Variants in LRP1B observed in about 807,000 individuals in gnomAD.
The protein encoded by LRP1B is LDL receptor related protein 1B, also known as low-density lipoprotein receptor-related protein 1B.
In LRP1B, 217 loss-of-function variants were observed where a neutral mutation model predicts 556.6. The observed-to-expected ratio is 0.39, with a 90% CI of 0.35 to 0.44. The LOEUF is 0.44. LRP1B is among the 20% of genes least tolerant of loss of function. The pLI is 1.00. For missense variants in LRP1B, 5,053 were observed against 5,620.8 expected, an observed-to-expected ratio of 0.90 and a Z score of 3.23; for synonymous variants, 2,047 against 1,865.8, an observed-to-expected ratio of 1.10 and a Z score of -2.50.
intron 3 of LRP1B, among the ~76,000 whole-genome samples, chr2:141,450,828 T>C (rs2105022039): frequency 6.6e-6 from 1 of 152,268 alleles, no homozygotes; most frequent in East Asian, 1.9e-4. Context: ...ATACAATATA[T>C]TTATTAACTC....
chr2:141,546,617 A>G (rs1423063547), intron 2 of LRP1B, among the ~76,000 whole-genome samples: 1 of 152,210 alleles, frequency 6.6e-6, no homozygotes, highest in Non-Finnish European at 1.5e-5. Context: ...GAGGAATTAC[A>G]TATCATTTAC....
intron 5 of LRP1B, among the ~76,000 whole-genome samples, chr2:141,231,326 G>A (rs938593580): frequency 2.0e-5 from 3 of 152,204 alleles, no homozygotes; most frequent in African/African-American, 7.2e-5. Flanking sequence ...CAGTGAATAT[G>A]ATTTGGGGCC....
intron 7 of LRP1B, among the ~76,000 whole-genome samples, chr2:141,149,025 G>A (rs1307032073): frequency 1.3e-5 from 2 of 152,066 alleles, no homozygotes; most frequent in Non-Finnish European, 2.9e-5. Context: ...GGAAGCAGAG[G>A]TTGCAGTGAG....
At chr2:141,450,749 T>C (rs1293522582) in intron 3 of LRP1B, among the ~76,000 whole-genome samples, 1 of 152,088 alleles carries the variant, frequency 6.6e-6, no homozygotes, top group African/African-American at 2.4e-5. Context: ...GGAGGCAGTG[T>C]GGAATCTTAA....
At chr2:140,781,621 T>C (rs1461408298) in intron 32 of LRP1B, among the ~76,000 whole-genome samples, 2 of 152,126 alleles carry the variant, frequency 1.3e-5, no homozygotes, top group African/African-American at 4.8e-5. Flanking sequence ...CATAGATAAA[T>C]AACCAAATAG....
At chr2:142,055,686 A>G (rs551994616) in intron 1 of LRP1B, among the ~76,000 whole-genome samples, 1 of 152,260 alleles carries the variant, frequency 6.6e-6, no homozygotes, top group South Asian at 2.1e-4. Flanking sequence ...CCTTAGTGAT[A>G]TATTACTCAC....
intron 75 of LRP1B, among the ~76,000 whole-genome samples, chr2:140,353,731 G>A (rs1024324187): frequency 6.6e-6 from 1 of 152,038 alleles, no homozygotes; most frequent in East Asian, 1.9e-4. Flanking sequence ...TTTCAGGAAT[G>A]TGGTTACATA....
chr2:140,259,127 A>G (rs1349664357), intron 86 of LRP1B, among the ~76,000 whole-genome samples: 1 of 152,062 alleles, frequency 6.6e-6, no homozygotes. Context: ...CACCAGCACC[A>G]TTTATCTTAC....
chr2:141,276,937 C>T lies in LRP1B; in HGVS notation c.344-22296G>A, dbSNP rs543690277. ...TCCCAGAGTGCTGGGATTACAGGCGCGAGACACCGCTCCCGGCCCCCATCT... is the reference window on the plus strand; with the variant it reads ...TCCCAGAGTGCTGGGATTACAGGCGTGAGACACCGCTCCCGGCCCCCATCT... On this transcript the variant is annotated intron_variant, in intron 3 of 90. Coordinates refer to ENST00000389484, the MANE Select transcript of LRP1B (RefSeq NM_018557.3). 6.6e-5 allele frequency among the ~76,000 whole-genome samples: 10 copies of T among 152,080 alleles called. No individual in the cohort carries two copies. In the East Asian group the frequency reaches 1.2e-3, roughly 18 times the overall value.
intron 2 of LRP1B, among the ~76,000 whole-genome samples, chr2:141,747,418 T>G (rs1432221525): frequency 1.3e-5 from 2 of 152,182 alleles, no homozygotes; most frequent in Non-Finnish European, 2.9e-5. Context: ...TAATATCAAT[T>G]TGGGTAGTAA....
Position 141,742,101 on chromosome 2 carries a change from T to C in LRP1B, c.205+68178A>G, listed in dbSNP as rs112811983. 5.0e-3 allele frequency among the ~76,000 whole-genome samples: 763 copies of C among 152,270 alleles called. 9 individuals are homozygous for C. The highest frequency in any genetic ancestry group is 0.017 in the African/African-American group (720 of 41,550). ...ACCTTTGTCAAAAATGAGTTCACTG[T>C]AGATGTCTGGATTTATTTATGTTTT... is the stretch of plus-strand genomic sequence containing the variant. On this transcript the variant is annotated intron_variant, in intron 2 of 90. Transcript: ENST00000389484.
At chr2:141,311,479 G>T (rs2105449693) in intron 3 of LRP1B, among the ~76,000 whole-genome samples, 1 of 152,204 alleles carries the variant, frequency 6.6e-6, no homozygotes, top group East Asian at 1.9e-4. Flanking sequence ...AGGCTGAATA[G>T]TTGTTGCTGT....
intron 3 of LRP1B, among the ~76,000 whole-genome samples, chr2:141,445,161 T>C (rs1681139467): frequency 6.6e-6 from 1 of 152,102 alleles, no homozygotes; most frequent in Non-Finnish European, 1.5e-5. Context: ...ATTGGGAGGG[T>C]GTATGTGTCC....
At chr2:140,240,701 A>G (rs541133713) in intron 87 of LRP1B, among the ~76,000 whole-genome samples, 101 of 151,022 alleles carry the variant, frequency 6.7e-4, no homozygotes, top group African/African-American at 2.4e-3. Context: ...TGGTTAACCT[A>G]AGAAACCAAG....
At chr2:141,420,145 C>T (rs10174497) in intron 3 of LRP1B, among the ~76,000 whole-genome samples, 34,745 of 152,064 alleles carry the variant, frequency 0.23, 4,947 homozygotes, top group East Asian at 0.45. Flanking sequence ...TACTATTTCT[C>T]CTTTCAGTTA....
In LRP1B at chr2:141,599,045, T is replaced by TCCCCC. The variant is rs1559166868; in HGVS notation, c.206-118517_206-118513dup. 1.6e-3 allele frequency among the ~76,000 whole-genome samples: 46 copies of TCCCCC among 28,964 alleles called. 2 individuals carry two copies. Among genetic ancestry groups the TCCCCC allele is most frequent in the East Asian group, 2.5e-3 (2 of 790 alleles). The allele number at this position is 28,964 out of a possible 152,430, so 19.0% of individuals were successfully genotyped here. A position where few individuals can be genotyped will look rare whatever the true frequency, so the allele number is the denominator to read the frequency against. On this transcript the variant is annotated intron_variant, in intron 2 of 90. Coordinates refer to ENST00000389484, the MANE Select transcript of LRP1B (RefSeq NM_018557.3). ...TTGACTTGCTTTTATTTTGTTCAAC[T>TCCCCC]CCCCCCCGCCCCCCCCCCCCCCCCC...
At chr2:141,779,218 T>C (rs1245380821) in intron 2 of LRP1B, among the ~76,000 whole-genome samples, 1 of 152,156 alleles carries the variant, frequency 6.6e-6, no homozygotes, top group Non-Finnish European at 1.5e-5. Flanking sequence ...ATTGGATTAG[T>C]TGTTTTCTAA....
chr2:140,569,310 T>C (rs1398687477), intron 43 of LRP1B, among the ~76,000 whole-genome samples: 6 of 151,910 alleles, frequency 3.9e-5, no homozygotes, highest in African/African-American at 1.2e-4. Flanking sequence ...GTATGCTACT[T>C]AAAAAGGAAT....
intron 11 of LRP1B, among the ~76,000 whole-genome samples, chr2:141,025,995 A>T (rs951903288): frequency 1.3e-5 from 2 of 152,066 alleles, no homozygotes; most frequent in African/African-American, 4.8e-5. Context: ...AATTCTTTGG[A>T]TAATATTAGA....
Sources: allele counts gnomAD v4.1 joint callset (sites outside exome capture counted in the v4.1 genomes callset), GRCh38; gene constraint gnomAD v4.1.1; transcripts MANE v1.5; gene names NCBI Gene and HGNC (gene_info 2026-07-23, HGNC 2026-07-21).